EBF1: variants seen among roughly 807,000 people sequenced by gnomAD.
EBF1 encodes the protein transcription factor COE1.
EBF1 carries 10 observed loss-of-function variants against 68.4 expected under a neutral mutation model. The observed-to-expected ratio is 0.15, with a 90% CI of 0.09 to 0.25. The LOEUF (loss-of-function observed/expected upper bound fraction) is 0.25, where lower values mean the gene tolerates loss of function less well. EBF1 is among the 10% of genes least tolerant of loss of function. The probability of loss-of-function intolerance (pLI) is 1.00; values close to 1 mark genes in which losing one functional copy is unlikely to be tolerated. For synonymous variants in EBF1, 298 were observed against 299.8 expected (o/e 0.99, Z 0.06); for missense variants, 509 against 794.4 (o/e 0.64, Z 4.32).
intron 6 of EBF1, 49 bp downstream of exon 6, chr5:159,073,347 T>C (rs1561949344): frequency 1.3e-6 from 2 of 1,595,724 alleles, no homozygotes; most frequent in Non-Finnish European, 1.7e-6. Context: ...GGGCAGGTGT[T>C]TCATTATAAT....
At chr5:158,768,400 T>C (rs1295997091) in intron 10 of EBF1, among the ~76,000 whole-genome samples, 1 of 152,144 alleles carries the variant, frequency 6.6e-6, no homozygotes, top group Non-Finnish European at 1.5e-5. Flanking sequence ...TAAGATATAA[T>C]TATTATGGTA....
chr5:158,841,339 T>G (rs1356369886), intron 6 of EBF1, among the ~76,000 whole-genome samples: 1 of 152,248 alleles, frequency 6.6e-6, no homozygotes, highest in Non-Finnish European at 1.5e-5. Flanking sequence ...CTACCACCTG[T>G]AATTAAACCT....
At position 158,698,879 on chromosome 5, in the gene EBF1, AT is replaced by A; in HGVS notation, c.*231del. ...GCTTTTGTCAATACAGAATAAATATATCCCCCAAATACTTGGGAGGTACAAC... is the reference window on the plus strand; with the variant it reads ...GCTTTTGTCAATACAGAATAAATATACCCCCAAATACTTGGGAGGTACAAC... On this transcript the variant is annotated 3_prime_UTR_variant, in exon 16 of 16. Transcript: ENST00000313708. 1 of 418,550 alleles carries A rather than the reference AT, an allele frequency of 2.4e-6. No homozygotes were observed. The highest frequency in any genetic ancestry group is 4.2e-6 in the Non-Finnish European group (1 of 235,856). The allele number at this position is 418,550 out of a possible 1,614,324, so 25.9% of individuals were successfully genotyped here.
At chr5:158,809,588 A>G (rs1394727075) in intron 8 of EBF1, among the ~76,000 whole-genome samples, 1 of 152,186 alleles carries the variant, frequency 6.6e-6, no homozygotes, top group Non-Finnish European at 1.5e-5. Context: ...CCACATATGA[A>G]TTACAGTAAA....
intron 11 of EBF1, among the ~76,000 whole-genome samples, chr5:158,728,771 C>A (rs567358953): frequency 1.2e-3 from 185 of 152,232 alleles, no homozygotes; most frequent in African/African-American, 4.2e-3. Flanking sequence ...TGTGATGGTA[C>A]CCAGGCTAGT....
intron 6 of EBF1, among the ~76,000 whole-genome samples, chr5:158,871,211 T>A (rs1796810971): frequency 6.6e-6 from 1 of 152,210 alleles, no homozygotes; most frequent in Non-Finnish European, 1.5e-5. Context: ...AAGACCAGCA[T>A]AAGCTTGGAG....
rs1019407415 is a variant in EBF1 at position 158,745,749 on chromosome 5, T to C, written c.1037-14592A>G. ...TAAAGAGGGAGGGTGGGGGTTCTAA[T>C]TGGAATATGGACCACACTGTCCAGG... On this transcript the variant is annotated intron_variant, in intron 10 of 15. Transcript: ENST00000313708. Among the ~76,000 whole-genome samples, 21 of 152,302 alleles carry C rather than the reference T, an allele frequency of 1.4e-4. 1 individual carries two copies. Among genetic ancestry groups the C allele is most frequent in the African/African-American group, 5.1e-4 (21 of 41,560 alleles).
Position 158,696,567 on chromosome 5 carries a change from C to T in EBF1, c.*2544G>A, listed in dbSNP as rs1755792811. ...TACATCTTCAGGCCAGCGCTTACCA[C>T]GCAAATTCAGATAACCTTTCTGAGT... On this transcript the variant is annotated 3_prime_UTR_variant, in exon 16 of 16. Transcript: ENST00000313708. 4.5e-6 allele frequency: 1 copy of T among 223,240 alleles called. No homozygotes were observed. Among genetic ancestry groups the T allele is most frequent in the Non-Finnish European group, 9.0e-6 (1 of 111,692 alleles). 13.8% of individuals were successfully genotyped at this position (223,240 alleles called of 1,614,324 possible).
intron 6 of EBF1, among the ~76,000 whole-genome samples, chr5:158,855,003 C>T (rs75233936): frequency 0.031 from 4,777 of 152,150 alleles, 108 homozygotes; most frequent in East Asian, 0.14. Context: ...TAAAAGAACC[C>T]CAGGTCACAT....
At chr5:158,897,805 A>G (rs1261157271) in intron 6 of EBF1, among the ~76,000 whole-genome samples, 1 of 152,184 alleles carries the variant, frequency 6.6e-6, no homozygotes, top group African/African-American at 2.4e-5. Flanking sequence ...TCTTCCTTTT[A>G]TAAGATGATT....
At chr5:158,978,464 T>C (rs1307533483) in intron 6 of EBF1, among the ~76,000 whole-genome samples, 2 of 152,140 alleles carry the variant, frequency 1.3e-5, no homozygotes, top group African/African-American at 4.8e-5. Flanking sequence ...TTTTTAAGGT[T>C]GGAAGGGGCA....
At chr5:159,094,194 A>G (rs1034259111) in intron 4 of EBF1, among the ~76,000 whole-genome samples, 2 of 130,034 alleles carry the variant, frequency 1.5e-5, no homozygotes, top group Non-Finnish European at 3.2e-5. Flanking sequence ...AAAAAAAAAA[A>G]CACAGTGTCC....
intron 6 of EBF1, among the ~76,000 whole-genome samples, chr5:158,914,548 C>T (rs923412051): frequency 6.6e-6 from 1 of 152,162 alleles, no homozygotes; most frequent in African/African-American, 2.4e-5. Flanking sequence ...TTAATGAACA[C>T]AGCTTCTATG....
rs183946625 is a variant in EBF1 at position 158,990,354 on chromosome 5, A to G, written c.554+83042T>C. Among the ~76,000 whole-genome samples, 603 of 152,348 alleles carry G rather than the reference A, an allele frequency of 4.0e-3. 3 individuals are homozygous for G. The highest frequency in any genetic ancestry group is 0.013 in the African/African-American group (535 of 41,576). On this transcript the variant is annotated intron_variant, in intron 6 of 15. Transcript: ENST00000313708. ...AAGCTTCTTCACTGGAGAAAGGCAT[A>G]ACAGAAGAGGCACTTTAAAGATCTC...
intron 6 of EBF1, among the ~76,000 whole-genome samples, chr5:158,970,620 C>T (rs1037545814): frequency 6.6e-6 from 1 of 152,142 alleles, no homozygotes; most frequent in Non-Finnish European, 1.5e-5. Context: ...TTAATGGCTG[C>T]GGTCAGCGAT....
intron 6 of EBF1, among the ~76,000 whole-genome samples, chr5:159,030,093 C>A (rs1318096603): frequency 5.7e-5 from 2 of 35,062 alleles, no homozygotes; most frequent in Admixed American, 2.2e-4. Context: ...TGTAGAGACA[C>A]AGAAAAAATA....
intron 6 of EBF1, among the ~76,000 whole-genome samples, chr5:159,058,415 G>A (rs1775177907): frequency 6.6e-6 from 1 of 152,238 alleles, no homozygotes; most frequent in East Asian, 1.9e-4. Flanking sequence ...GAAGTTCTCA[G>A]CTGAAGGGGA....
intron 15 of EBF1, 21 bp downstream of exon 15, chr5:158,707,958 C>T (rs1169444437): frequency 3.9e-6 from 6 of 1,543,914 alleles, no homozygotes; most frequent in East Asian, 4.9e-5. Flanking sequence ...TCTGGATTGG[C>T]AGGTGGGGCC....
chr5:158,978,748 G>C (rs764889260), intron 6 of EBF1, among the ~76,000 whole-genome samples: 10 of 150,810 alleles, frequency 6.6e-5, no homozygotes, highest in Non-Finnish European at 1.2e-4. Context: ...ATTTTTCTTT[G>C]GGGGTTTCTT....
Sources: allele counts gnomAD v4.1 joint callset (sites outside exome capture counted in the v4.1 genomes callset), GRCh38; gene constraint gnomAD v4.1.1; transcripts MANE v1.5; gene names NCBI Gene and HGNC (gene_info 2026-07-23, HGNC 2026-07-21).